The following CA4 variants were observed in gnomAD, a reference collection of about 807,000 sequenced individuals.
CA4 encodes the protein CA-IV.
CA4 carries 24 observed loss-of-function variants against 34.5 expected under a neutral mutation model. The ratio of observed to expected loss-of-function variants is 0.70; its 90% CI spans 0.50 to 0.98. The LOEUF is 0.98. Among genes scored for constraint, CA4 ranks in the 50% least tolerant of loss-of-function variants. The pLI is 0.00. For missense variants in CA4, 394 were observed against 396.7 expected, an observed-to-expected ratio of 0.99 and a Z score of 0.06; for synonymous variants, 178 against 170.6, an observed-to-expected ratio of 1.04 and a Z score of -0.34.
At chr17:60,174,226 A>G (rs1370369967), downstream of CA4, among the ~76,000 whole-genome samples, 3 of 152,100 alleles carry the variant, frequency 2.0e-5, no homozygotes, top group African/African-American at 7.3e-5. Context: ...CCTCCGACAT[A>G]ATGGGCTCAA....
intron 5 of CA4, among the ~76,000 whole-genome samples, chr17:60,170,362 T>C (rs1029914891): frequency 4.6e-5 from 7 of 152,318 alleles, no homozygotes; most frequent in Non-Finnish European, 8.8e-5. Flanking sequence ...CAATAGCATA[T>C]TGGACTCCTG....
downstream of CA4, among the ~76,000 whole-genome samples, chr17:60,160,307 T>G (rs1019094704): frequency 1.3e-5 from 2 of 152,164 alleles, no homozygotes; most frequent in African/African-American, 4.8e-5. Flanking sequence ...GCTCAAAAAT[T>G]TATTGAGCGT....
chr17:60,169,250 C>CAAAAAAAAAA (rs1555574043), intron 5 of CA4, among the ~76,000 whole-genome samples: 56 of 122,904 alleles, frequency 4.6e-4, no homozygotes, highest in African/African-American at 1.6e-3. Context: ...CCCTCTGTCT[C>CAAAAAAAAAA]AAAAAAAAAA....
intron 1 of CA4, among the ~76,000 whole-genome samples, chr17:60,153,710 C>T (rs575686962): frequency 6.6e-6 from 1 of 152,170 alleles, no homozygotes; most frequent in Non-Finnish European, 1.5e-5. Flanking sequence ...AAAGGCAGAG[C>T]GGGAGCTGGA....
intron 1 of CA4, among the ~76,000 whole-genome samples, chr17:60,152,367 C>T (rs1186713952): frequency 2.0e-5 from 3 of 152,200 alleles, no homozygotes; most frequent in African/African-American, 4.8e-5. Flanking sequence ...GACCTCACCA[C>T]CATTATGTTT....
chr17:60,157,948 A>G, intron 5 of CA4, 113 bp from the exon 6 acceptor site: 1 of 1,558,628 alleles, frequency 6.4e-7, no homozygotes. Context: ...TGGGGAGCCC[A>G]GAGCCTCAAT....
At position 60,159,226 on chromosome 17, in the gene CA4, G is replaced by A. The variant is rs558803561; in HGVS notation, c.745-4G>A. On this transcript the variant is annotated splice_polypyrimidine_tract_variant and splice_region_variant and intron_variant, in intron 7 of 7. Coordinates refer to ENST00000300900, the MANE Select transcript of CA4 (RefSeq NM_000717.5). ...CGACCTGCTGAGCCCCATCACTTCC[G>A]CAGATCCTGGCATTCTCTCAGAAGC... 1.4e-5 allele frequency: 23 copies of A among 1,594,972 alleles called. No individual in the cohort carries two copies. The highest frequency in any genetic ancestry group is 1.1e-4 in the East Asian group (5 of 43,554).
chr17:60,166,691 C>T lies in CA4; in HGVS notation c.*179-3860C>T, dbSNP rs113726299. Among the ~76,000 whole-genome samples the T allele has an allele frequency of 7.3e-3, 1,051 of 144,756 alleles. 18 individuals carry two copies. The highest frequency in any genetic ancestry group is 0.026 in the African/African-American group (989 of 38,610). The allele number at this position is 144,756 out of a possible 152,430, so 95.0% of individuals were successfully genotyped here. A position where few individuals can be genotyped will look rare whatever the true frequency, so the allele number is the denominator to read the frequency against. ...TGAGATTTGGCCAGGTGCGGTGGCTCATGCCTGTAATCCCAGCACTTTGGG... is the reference window on the plus strand; with the variant it reads ...TGAGATTTGGCCAGGTGCGGTGGCTTATGCCTGTAATCCCAGCACTTTGGG... On this transcript the variant is annotated intron_variant and NMD_transcript_variant, in intron 5 of 5. Coordinates refer to the CA4 transcript ENST00000586876.
chr17:60,164,460 G>T (rs2083834781), downstream of CA4, among the ~76,000 whole-genome samples: 1 of 151,660 alleles, frequency 6.6e-6, no homozygotes, highest in Non-Finnish European at 1.5e-5. Context: ...CACGTTTTCG[G>T]CTCACTGCAA....
At chr17:60,158,986 C>T in intron 7 of CA4, 1 of 573,238 alleles carries the variant, frequency 1.7e-6, no homozygotes, top group Non-Finnish European at 3.1e-6. Context: ...GAGAAGCAGG[C>T]ATTGCGGGCC....
chr17:60,156,104 A>G lies in CA4; in HGVS notation c.113-456A>G, dbSNP rs545665541. Among the ~76,000 whole-genome samples, 84 of 152,230 alleles carry G rather than the reference A, an allele frequency of 5.5e-4. 1 individual carries two copies. Among genetic ancestry groups the G allele is most frequent in the African/African-American group, 1.7e-3 (71 of 41,562 alleles). ...CAGATGATGCTCAGCGCCCTTCATC[A>G]GCAGCCCCCCCGGGGGTCCCACTCC... On this transcript the variant is annotated intron_variant, in intron 2 of 7. Coordinates refer to ENST00000300900, the MANE Select transcript of CA4 (RefSeq NM_000717.5).
In CA4 at chr17:60,159,310, G is replaced by A. The variant is rs757026218; in HGVS notation, c.825G>A (p.Gln275=). 1.2e-6 allele frequency: 2 copies of A among 1,610,096 alleles called. No individual in the cohort carries two copies. The highest frequency in any genetic ancestry group is 1.7e-6 in the Non-Finnish European group (2 of 1,178,268). The change falls in exon 8 of 8, where the codon CAG becomes CAA. Residue 275 remains glutamine (Q), a synonymous_variant. Coordinates refer to ENST00000300900, the MANE Select transcript of CA4 (RefSeq NM_000717.5). The part of the protein sequence containing the change: ...SMKDNVRPLQ[Q]LGQRTVIKSG... The stretch of plus-strand genomic sequence containing the variant: ...AGGACAATGTCAGGCCCCTGCAGCA[G>A]CTGGGGCAGCGCACGGTGATAAAGT...
At chr17:60,162,110 T>C (rs952828423), downstream of CA4, among the ~76,000 whole-genome samples, 3 of 152,102 alleles carry the variant, frequency 2.0e-5, no homozygotes, top group South Asian at 4.2e-4. Flanking sequence ...GTCCAGGGCC[T>C]GGGGCTCTGG....
At chr17:60,159,789 T>C (rs988066288), downstream of CA4, among the ~76,000 whole-genome samples, 8 of 152,128 alleles carry the variant, frequency 5.3e-5, no homozygotes, top group Non-Finnish European at 8.8e-5. Flanking sequence ...CAGCGGAAGC[T>C]AGAGGAGTTC....
At chr17:60,178,325 C>T in the CA4 span, among the ~76,000 whole-genome samples, 3 of 152,206 alleles carry the variant, frequency 2.0e-5, no homozygotes, top group Non-Finnish European at 2.9e-5. Flanking sequence ...AATTGTGAAA[C>T]GTGATCTAGC....
the CA4 span, chr17:60,178,985 C>T: frequency 5.6e-6 from 2 of 358,602 alleles, no homozygotes; most frequent in South Asian, 1.2e-4. Flanking sequence ...TTATTTGGTC[C>T]CAGGTGGCTG....
the CA4 span, among the ~76,000 whole-genome samples, chr17:60,177,001 C>T: frequency 2.6e-5 from 4 of 152,160 alleles, no homozygotes; most frequent in Admixed American, 6.5e-5. Context: ...TACAGCTTGC[C>T]GCTCACCTCC....
intron 5 of CA4, among the ~76,000 whole-genome samples, chr17:60,165,306 G>A (rs575978151): frequency 1.3e-5 from 2 of 152,048 alleles, no homozygotes; most frequent in African/African-American, 2.4e-5. Context: ...TGTCCCAACC[G>A]TACACAGAAC....
At position 60,150,032 on chromosome 17, in the gene CA4, A is replaced by G; in HGVS notation, c.-3A>G. ...CTCAGAGGACTCTTTGCTGTCCCGC[A>G]AGATGCGGATGCTGCTGGCGCTCCT... On this transcript the variant is annotated 5_prime_UTR_variant, in exon 1 of 8. Coordinates refer to ENST00000300900, the MANE Select transcript of CA4 (RefSeq NM_000717.5). The G allele has an allele frequency of 1.2e-6, 2 of 1,602,648 alleles. No homozygotes were observed. Among genetic ancestry groups the G allele is most frequent in the Non-Finnish European group, 1.7e-6 (2 of 1,179,034 alleles).
Sources: gnomAD v4.1 joint callset for allele counts (sites outside exome capture counted in the v4.1 genomes callset) on GRCh38, gnomAD v4.1.1 for gene constraint, MANE v1.5 for transcripts, NCBI Gene and HGNC (gene_info 2026-07-23, HGNC 2026-07-21) for gene names.